Variants in FER observed in about 807,000 individuals in gnomAD.
FER encodes the protein tyrosine-protein kinase Fer.
A neutral mutation model predicts 111.0 loss-of-function variants in FER; 63 were observed. The observed-to-expected ratio is 0.57, with a 90% CI of 0.46 to 0.70. The LOEUF (loss-of-function observed/expected upper bound fraction) is 0.70, where lower values mean the gene tolerates loss of function less well. FER is among the 30% of genes least tolerant of loss of function. The pLI, the probability that FER is intolerant of heterozygous loss-of-function variation, is 0.00. For synonymous variants in FER, 327 were observed against 313.9 expected (o/e 1.04, Z -0.44); for missense variants, 914 against 954.0 (o/e 0.96, Z 0.55).
chr5:109,083,833 A>T (rs566273312), intron 16 of FER, among the ~76,000 whole-genome samples: 1 of 152,098 alleles, frequency 6.6e-6, no homozygotes, highest in South Asian at 2.1e-4. Flanking sequence ...ATGACAACCT[A>T]TTCTGTGTGC....
chr5:109,111,077 A>C (rs567881418), intron 17 of FER, among the ~76,000 whole-genome samples: 21 of 152,264 alleles, frequency 1.4e-4, no homozygotes, highest in African/African-American at 5.1e-4. Flanking sequence ...ATGTTTCCCA[A>C]ATAAGTTCTA....
intron 16 of FER, among the ~76,000 whole-genome samples, chr5:109,085,155 C>G (rs1777420835): frequency 6.6e-6 from 1 of 151,664 alleles, no homozygotes; most frequent in Non-Finnish European, 1.5e-5. Context: ...TTCTGTAAAT[C>G]AATATGGGGG....
chr5:108,813,689 A>G (rs992202425), intron 3 of FER, among the ~76,000 whole-genome samples: 1 of 152,062 alleles, frequency 6.6e-6, no homozygotes, highest in African/African-American at 2.4e-5. Flanking sequence ...CAGCTCAGAT[A>G]TTTTTACTTC....
chr5:109,136,597 A>G (rs1230332205), intron 17 of FER, among the ~76,000 whole-genome samples: 1 of 152,184 alleles, frequency 6.6e-6, no homozygotes, highest in Admixed American at 6.6e-5. Context: ...TTATTTTCAT[A>G]TACAGATTTT....
chr5:109,196,395 C>T lies in FER; in HGVS notation c.*8820C>T, dbSNP rs939199226. 3 of 152,072 alleles carry T rather than the reference C, an allele frequency of 2.0e-5. No homozygotes were observed. The highest frequency in any genetic ancestry group is 7.2e-5 in the African/African-American group (3 of 41,382). 9.4% of individuals were successfully genotyped at this position (152,072 alleles called of 1,614,324 possible). A position where few individuals can be genotyped will look rare whatever the true frequency, so the allele number is the denominator to read the frequency against. ...TCCATTTAATGTTAGGCTAAAGCAC[C>T]TTTAATCATTTTTGTTGTTTTAAGA... On this transcript the variant is annotated 3_prime_UTR_variant, in exon 20 of 20. Coordinates refer to ENST00000281092, the MANE Select transcript of FER (RefSeq NM_005246.4).
At chr5:109,145,452 C>G (rs571474218) in intron 17 of FER, among the ~76,000 whole-genome samples, 1 of 151,974 alleles carries the variant, frequency 6.6e-6, no homozygotes. Context: ...TTATGTGCTT[C>G]AGTGTTTTAT....
intron 17 of FER, among the ~76,000 whole-genome samples, chr5:109,128,562 C>T (rs1045655915): frequency 6.6e-6 from 1 of 152,076 alleles, no homozygotes; most frequent in Non-Finnish European, 1.5e-5. Context: ...TGTTTACTCT[C>T]TTGTAGCATG....
At chr5:108,976,915 G>A (rs1761426747) in intron 13 of FER, among the ~76,000 whole-genome samples, 1 of 152,116 alleles carries the variant, frequency 6.6e-6, no homozygotes, top group East Asian at 1.9e-4. Flanking sequence ...AACATTTCCA[G>A]CATCACTAGT....
chr5:109,048,486 TCTTA>T (rs1262239417), intron 16 of FER, among the ~76,000 whole-genome samples: 1 of 152,152 alleles, frequency 6.6e-6, no homozygotes, highest in Non-Finnish European at 1.5e-5. Context: ...GTGATTCTGG[TCTTA>T]CTGTAATTGT....
chr5:108,972,493 T>G (rs1423487061), intron 13 of FER, among the ~76,000 whole-genome samples: 6 of 152,194 alleles, frequency 3.9e-5, no homozygotes, highest in Non-Finnish European at 7.4e-5. Context: ...TCATAAAAAG[T>G]CTTCTTCCTC....
intron 17 of FER, among the ~76,000 whole-genome samples, chr5:109,134,549 CTTTTAAG>C (rs1436799543): frequency 6.6e-6 from 1 of 152,088 alleles, no homozygotes; most frequent in Non-Finnish European, 1.5e-5. Flanking sequence ...AGATTTTGTT[CTTTTAAG>C]TTTGAAAGGT....
chr5:108,857,429 T>C (rs1763110007), intron 5 of FER, among the ~76,000 whole-genome samples: 1 of 152,188 alleles, frequency 6.6e-6, no homozygotes, highest in South Asian at 2.1e-4. Flanking sequence ...CATCCCATTA[T>C]TGGATATTAA....
chr5:108,785,571 T>G (rs1294736649), intron 2 of FER: 1 of 487,474 alleles, frequency 2.1e-6, no homozygotes, highest in Non-Finnish European at 4.0e-6. Context: ...TGGCAGAGCT[T>G]TAGAAATTAA....
rs185108591 is a variant in FER at position 109,051,406 on chromosome 5, T to C, written c.1924+4208T>C. 3.1e-4 allele frequency: 502 copies of C among 1,612,886 alleles called. 1 individual carries two copies. The highest frequency in any genetic ancestry group is 4.3e-4 in the Admixed American group (26 of 59,996). On this transcript the variant is annotated intron_variant, in intron 16 of 19. Coordinates refer to ENST00000281092, the MANE Select transcript of FER (RefSeq NM_005246.4). ...GTCCACAATGGCTAGTGGCTGTAGT[T>C]CATGTCCAGCAGCTAGTTTTTTAGA...
At chr5:109,013,062 T>C (rs1766511862) in intron 13 of FER, among the ~76,000 whole-genome samples, 2 of 151,740 alleles carry the variant, frequency 1.3e-5, no homozygotes, top group South Asian at 4.2e-4. Flanking sequence ...TTTTGCTTTT[T>C]TTTTTTTAAT....
chr5:108,903,993 G>A (rs1302679487), intron 10 of FER, among the ~76,000 whole-genome samples: 1 of 152,142 alleles, frequency 6.6e-6, no homozygotes, highest in Non-Finnish European at 1.5e-5. Flanking sequence ...GCATACAACA[G>A]TAGTGTTCTG....
chr5:108,898,899 C>A (rs1194133423), intron 10 of FER, among the ~76,000 whole-genome samples: 3 of 151,770 alleles, frequency 2.0e-5, no homozygotes, highest in African/African-American at 7.3e-5. Context: ...ACACTCCCAG[C>A]ACAAAATTAT....
At chr5:109,071,616 A>G (rs75786250) in intron 16 of FER, among the ~76,000 whole-genome samples, 6,954 of 152,082 alleles carry the variant, frequency 0.046, 223 homozygotes, top group South Asian at 0.093. Context: ...ATCAGTCTAT[A>G]ACAGTATACA....
chr5:108,837,184 A>G (rs1459802565), intron 5 of FER, among the ~76,000 whole-genome samples: 3 of 152,188 alleles, frequency 2.0e-5, no homozygotes, highest in Non-Finnish European at 4.4e-5. Flanking sequence ...AACTTCCTAT[A>G]CCTAATTATT....
Sources: gnomAD v4.1 joint callset for allele counts (sites outside exome capture counted in the v4.1 genomes callset) on GRCh38, gnomAD v4.1.1 for gene constraint, MANE v1.5 for transcripts, NCBI Gene and HGNC (gene_info 2026-07-23, HGNC 2026-07-21) for gene names.